The following INSL3 variants were observed in gnomAD, a reference collection of about 807,000 sequenced individuals.
The protein encoded by INSL3 is insulin-like 3.
INSL3 carries 6 observed loss-of-function variants against 5.5 expected under a neutral mutation model. The ratio of observed to expected loss-of-function variants is 1.08; its 90% CI spans 0.59 to 2.14. The LOEUF (loss-of-function observed/expected upper bound fraction) is 2.14, where lower values mean the gene tolerates loss of function less well. INSL3 is among the 30% of genes most tolerant of loss of function. The probability of loss-of-function intolerance (pLI) is 0.00; values close to 1 mark genes in which losing one functional copy is unlikely to be tolerated. For missense variants in INSL3, 178 were observed against 184.7 expected (o/e 0.96, Z 0.21); for synonymous variants, 86 against 82.1 (o/e 1.05, Z -0.26).
In INSL3 at chr19:17,820,917, G is replaced by T. The variant is rs895116086; in HGVS notation, c.190+400C>A. ...CAACCTCTGCCTTCCGGGTTCAAGC[G>T]ATTCTCCTGCCTTGGCCTCCCAAGT... is the stretch of plus-strand genomic sequence containing the variant. On this transcript the variant is annotated intron_variant, in intron 1 of 1. Coordinates refer to ENST00000317306, the MANE Select transcript of INSL3 (RefSeq NM_005543.4). 1.0e-3 allele frequency among the ~76,000 whole-genome samples: 155 copies of T among 151,552 alleles called. 2 individuals carry two copies. Among genetic ancestry groups the T allele is most frequent in the East Asian group, 1.2e-3 (6 of 5,076 alleles).
At position 17,821,493 on chromosome 19, in the gene INSL3, A is replaced by C; in HGVS notation, c.14T>G (p.Leu5Arg). 6.7e-7 allele frequency: 1 copy of C among 1,495,832 alleles called. No individual in the cohort carries two copies. Among genetic ancestry groups the C allele is most frequent in the Non-Finnish European group, 8.9e-7 (1 of 1,118,686 alleles). 92.7% of individuals were successfully genotyped at this position (1,495,832 alleles called of 1,614,324 possible). The stretch of plus-strand genomic sequence containing the variant: ...CAGCAGCACCAGCGCCCAGGCGGGC[A>C]GACGGGGGTCCATGGTGGTGGGTGG... MDPRLPAWALVLLGP... is the reference protein window; with the variant it reads MDPRRPAWALVLLGP... The change falls in exon 1 of 2, where the codon CTG becomes CGG. Residue 5 changes from leucine to arginine, a missense_variant. Leu to Arg is a moderately radical substitution (Grantham distance 102, BLOSUM62 -2). Transcript: ENST00000317306.
chr19:17,816,959 G>A lies in INSL3; in HGVS notation c.291C>T (p.Thr97=). Residue 97 remains threonine, a synonymous_variant, in exon 2 of 2, where the codon ACC becomes ACT. Coordinates refer to ENST00000317306, the MANE Select transcript of INSL3 (RefSeq NM_005543.4). The part of the protein sequence containing the change: ...LGPGLQPLPQ[T]SHHHRHHRAA... Reference sequence around the variant, plus strand: ...CACGGTGGTGGCGGTGATGGTGAGAGGTCTGGGGCAGGGGCTGCAGGCCAG... The same window carrying A: ...CACGGTGGTGGCGGTGATGGTGAGAAGTCTGGGGCAGGGGCTGCAGGCCAG... 5 of 1,614,046 alleles carry A rather than the reference G, an allele frequency of 3.1e-6. No homozygotes were observed. The highest frequency in any genetic ancestry group is 4.2e-6 in the Non-Finnish European group (5 of 1,180,006).
chr19:17,816,793 G>C lies in INSL3; in HGVS notation c.*61C>G. 3.3e-6 allele frequency: 5 copies of C among 1,522,146 alleles called. No individual in the cohort carries two copies. Among genetic ancestry groups the C allele is most frequent in the Non-Finnish European group, 3.6e-6 (4 of 1,100,088 alleles). 94.3% of individuals were successfully genotyped at this position (1,522,146 alleles called of 1,614,324 possible). ...ACTTTATGGTGCTGTGTGGCCTCAG[G>C]AGCTCACCAGACCAGACCCTCTGGG... On this transcript the variant is annotated 3_prime_UTR_variant, in exon 2 of 2. Coordinates refer to ENST00000317306, the MANE Select transcript of INSL3 (RefSeq NM_005543.4).
intron 1 of INSL3, among the ~76,000 whole-genome samples, chr19:17,820,989 A>G (rs1200885076): frequency 2.0e-5 from 3 of 151,698 alleles, no homozygotes; most frequent in Non-Finnish European, 4.4e-5. Context: ...AATTTTTTTA[A>G]AAATTATTTT....
In INSL3 at chr19:17,817,007, G is replaced by A. The variant is rs778719109; in HGVS notation, c.243C>T (p.Ala81=). 7.6e-5 allele frequency: 123 copies of A among 1,613,740 alleles called. No homozygotes were observed. The highest frequency in any genetic ancestry group is 9.9e-5 in the South Asian group (9 of 91,086). ...ERRHLLHGLV[A]DSNLTLGPGL... ...CAGGTCCCAGCGTGAGATTACTGTC[G>A]GCCACCAGCCCATGGAGCAGATGTC... The change falls in exon 2 of 2, where the codon GCC becomes GCT. Residue 81 remains alanine, a synonymous_variant. Coordinates refer to ENST00000317306, the MANE Select transcript of INSL3 (RefSeq NM_005543.4).
intron 1 of INSL3, among the ~76,000 whole-genome samples, chr19:17,818,258 TGTC>T (rs1199428094): frequency 6.6e-6 from 1 of 152,050 alleles, no homozygotes; most frequent in Non-Finnish European, 1.5e-5. Flanking sequence ...TGCACAAACT[TGTC>T]GTATATCCCT....
chr19:17,821,384 C>T lies in INSL3; in HGVS notation c.123G>A (p.Ala41=), dbSNP rs1239501407. Residue 41 remains alanine (A), a synonymous_variant, in exon 1 of 2, where the codon GCG becomes GCA. Coordinates refer to ENST00000317306, the MANE Select transcript of INSL3 (RefSeq NM_005543.4). ...EKLCGHHFVR[A]LVRVCGGPRW... is the part of the protein sequence containing the mutation. ...GGGGGCCCCCGCACACGCGCACTAG[C>T]GCGCGTACGAAGTGGTGGCCGCACA... The T allele has an allele frequency of 1.9e-6, 3 of 1,548,286 alleles. No individual in the cohort carries two copies. Among genetic ancestry groups the T allele is most frequent in the Admixed American group, 2.0e-5 (1 of 50,900 alleles).
rs1291400642 is a variant in INSL3 at position 17,817,058 on chromosome 19, A to T, written c.192T>A (p.Arg64=). ...EARRPATGGD[R]ELLQWLERRH... ...GTCTCTCCAGCCACTGTAGCAACTC[A>T]CCTGGGGACAGAGTGAAACTCAGCT... Residue 64 remains arginine, a splice_region_variant and synonymous_variant, in exon 2 of 2, where the codon CGT becomes CGA. Transcript: ENST00000317306. 3 of 1,610,440 alleles carry T rather than the reference A, an allele frequency of 1.9e-6. No individual in the cohort carries two copies. Among genetic ancestry groups the T allele is most frequent in the Non-Finnish European group, 2.5e-6 (3 of 1,177,858 alleles).
rs761038970 is a variant in INSL3, at chr19:17,821,421, A to C, written c.86T>G (p.Met29Arg). The change falls in exon 1 of 2, where the codon ATG becomes AGG. Residue 29 changes from methionine (M) to arginine (R), a missense_variant. Physicochemically the swap from Met to Arg is moderately conservative, Grantham distance 91. Transcript: ENST00000317306. Reference protein sequence around the residue: ...FALGPAPTPEMREKLCGHHFV... With the variant: ...FALGPAPTPERREKLCGHHFV... ...GTGGTGGCCGCACAACTTCTCACGC[A>C]TCTCTGGGGTGGGCGCGGGGCCCAA... The C allele has an allele frequency of 1.3e-6, 2 of 1,546,976 alleles. No individual in the cohort carries two copies. Among genetic ancestry groups the C allele is most frequent in the Non-Finnish European group, 1.7e-6 (2 of 1,144,728 alleles).
intron 1 of INSL3, among the ~76,000 whole-genome samples, 165 bp downstream of exon 1, chr19:17,821,150 TCA>T (rs2094194950): frequency 6.6e-6 from 1 of 152,042 alleles, no homozygotes; most frequent in Non-Finnish European, 1.5e-5. Context: ...ACACGCGCGT[TCA>T]CACACACTCC....
intron 1 of INSL3, among the ~76,000 whole-genome samples, chr19:17,819,520 C>T (rs1412528296): frequency 6.6e-6 from 1 of 152,082 alleles, no homozygotes; most frequent in Non-Finnish European, 1.5e-5. Context: ...GAGGCTGAGG[C>T]GGGCAGATCA....
chr19:17,818,536 A>G (rs1316186847), intron 1 of INSL3, among the ~76,000 whole-genome samples: 1 of 151,946 alleles, frequency 6.6e-6, no homozygotes, highest in African/African-American at 2.4e-5. Context: ...GGATCGCTTG[A>G]GCCTGGGAAG....
rs1278534626 is a variant in INSL3 at position 17,821,374 on chromosome 19, C to G, written c.133G>C (p.Val45Leu). ...GTGGACCAGCGGGGGCCCCCGCACA[C>G]GCGCACTAGCGCGCGTACGAAGTGG... ...GHHFVRALVR[V>L]CGGPRWSTEA... The change falls in exon 1 of 2, where the codon GTG (valine) becomes CTG (leucine). Residue 45 changes from valine (V) to leucine (L), a missense_variant. Physicochemically the swap from Val to Leu is conservative, Grantham distance 32 (BLOSUM62 1). Transcript: ENST00000317306. 6.5e-7 allele frequency: 1 copy of G among 1,548,424 alleles called. No individual in the cohort carries two copies. The highest frequency in any genetic ancestry group is 1.4e-5 in the African/African-American group (1 of 73,004).
intron 1 of INSL3, among the ~76,000 whole-genome samples, chr19:17,817,667 C>T (rs1475605090): frequency 7.3e-5 from 11 of 151,132 alleles, no homozygotes; most frequent in Non-Finnish European, 7.4e-5. Flanking sequence ...TGGTGGTGGA[C>T]GCCTGTAATC....
chr19:17,820,605 C>G, intron 1 of INSL3: 1 of 179,762 alleles, frequency 5.6e-6, no homozygotes, highest in Non-Finnish European at 1.2e-5. Context: ...CTGCAGTGAG[C>G]CGAGATCTCA....
In INSL3 at chr19:17,816,915, G is replaced by A; in HGVS notation, c.335C>T (p.Ala112Val). ...RHHRAAATNP[A>V]RYCCLSGCTQ... is the part of the protein sequence containing the mutation. ...ACAGCCACTGAGGCAGCAGTAGCGT[G>A]CAGGGTTGGTGGCAGCTGCACGGTG... The change falls in exon 2 of 2, where the codon GCA (alanine) becomes GTA (valine). Residue 112 changes from alanine (A) to valine (V), a missense_variant. By Grantham distance (64) the Ala-to-Val change is moderately conservative. Transcript: ENST00000317306. The A allele has an allele frequency of 6.2e-7, 1 of 1,614,150 alleles. No individual in the cohort carries two copies. The highest frequency in any genetic ancestry group is 8.5e-7 in the Non-Finnish European group (1 of 1,180,050).
At chr19:17,821,261 G>A (rs2094195098) in intron 1 of INSL3, 56 bp downstream of exon 1, 3 of 1,528,868 alleles carry the variant, frequency 2.0e-6, no homozygotes, top group South Asian at 2.4e-5. Flanking sequence ...CTGCGCCTAC[G>A]TGCACCTGCC....
chr19:17,819,764 G>A (rs1045403430), intron 1 of INSL3, among the ~76,000 whole-genome samples: 10 of 151,444 alleles, frequency 6.6e-5, no homozygotes, highest in Non-Finnish European at 1.0e-4. Flanking sequence ...ATGGCGTGAA[G>A]CCGGGAGACG....
intron 1 of INSL3, among the ~76,000 whole-genome samples, chr19:17,817,677 C>A (rs375309291): frequency 1.3e-5 from 2 of 151,046 alleles, no homozygotes; most frequent in East Asian, 3.9e-4. Flanking sequence ...CGCCTGTAAT[C>A]CCAGCTACTG....
Sources: allele counts gnomAD v4.1 joint callset (sites outside exome capture counted in the v4.1 genomes callset), GRCh38; gene constraint gnomAD v4.1.1; transcripts MANE v1.5; gene names NCBI Gene and HGNC (gene_info 2026-07-23, HGNC 2026-07-21).